The following HDAC9 variants were observed in gnomAD, a reference collection of about 807,000 sequenced individuals.
HDAC9 encodes MEF-2 interacting transcription repressor (MITR) protein.
In HDAC9, 41 loss-of-function variants were observed where a neutral mutation model predicts 139.4. The ratio of observed to expected loss-of-function variants is 0.29; its 90% CI spans 0.23 to 0.38. The LOEUF (loss-of-function observed/expected upper bound fraction) is 0.38, where lower values mean the gene tolerates loss of function less well. Ranked by LOEUF, HDAC9 falls within the 10% of genes least tolerant of loss-of-function variation. The pLI, the probability that HDAC9 is intolerant of heterozygous loss-of-function variation, is 1.00. For synonymous variants in HDAC9, 517 were observed against 476.2 expected (o/e 1.09, Z -1.12); for missense variants, 1,147 against 1,297.0 (o/e 0.88, Z 1.78).
chr7:18,200,196 C>G (rs558291724), intron 2 of HDAC9, among the ~76,000 whole-genome samples: 9 of 152,298 alleles, frequency 5.9e-5, no homozygotes, highest in Non-Finnish European at 1.3e-4. Context: ...ATACACAGGT[C>G]TGTTCAGACT....
chr7:18,726,208 A>G (rs1785533848), intron 12 of HDAC9, among the ~76,000 whole-genome samples: 1 of 152,238 alleles, frequency 6.6e-6, no homozygotes, highest in African/African-American at 2.4e-5. Context: ...CGCAATGAGT[A>G]CAGTTGTGTT....
Position 18,207,855 on chromosome 7 carries a change from C to T in HDAC9, c.25+45506C>T, listed in dbSNP as rs1398916333. On this transcript the variant is annotated intron_variant, in intron 2 of 12. Coordinates refer to the HDAC9 transcript ENST00000417496. ...TCAGCCTTCTGAGTAGCTGGGGTTA[C>T]AGGCATGAGCCACCACGCCCGGCTA... Among the ~76,000 whole-genome samples the T allele has an allele frequency of 2.0e-5, 3 of 151,970 alleles. No individual in the cohort carries two copies. In the East Asian group the frequency reaches 5.8e-4, roughly 29 times the overall value.
intron 2 of HDAC9, among the ~76,000 whole-genome samples, chr7:18,283,847 C>A (rs928919239): frequency 6.6e-6 from 1 of 152,140 alleles, no homozygotes; most frequent in Non-Finnish European, 1.5e-5. Flanking sequence ...AATCAACCAC[C>A]TAATACTTTG....
At chr7:18,113,070 T>C (rs542717712) in intron 1 of HDAC9, among the ~76,000 whole-genome samples, 1 of 152,214 alleles carries the variant, frequency 6.6e-6, no homozygotes, top group East Asian at 1.9e-4. Context: ...AAATTAACCT[T>C]GAACACAGGA....
In HDAC9 at chr7:18,734,009, T is replaced by G. The variant is rs1228476218; in HGVS notation, c.1909+6252T>G. Among the ~76,000 whole-genome samples the G allele has an allele frequency of 5.3e-5, 8 of 152,318 alleles. No homozygotes were observed. The East Asian group carries it at 1.5e-3, about 29-fold the overall frequency. On this transcript the variant is annotated intron_variant, in intron 13 of 25. Coordinates refer to ENST00000686413, the MANE Select transcript of HDAC9 (RefSeq NM_178425.4). ...TATCAATGCACAAATTTTTTTCTAC[T>G]TACGGAAATATCCTCAATTAGTCCT...
chr7:18,222,181 G>A (rs1386628855), intron 2 of HDAC9, among the ~76,000 whole-genome samples: 1 of 152,162 alleles, frequency 6.6e-6, no homozygotes, highest in Non-Finnish European at 1.5e-5. Context: ...ATTATGTGCT[G>A]CTTAATCTGG....
intron 1 of HDAC9, among the ~76,000 whole-genome samples, chr7:18,301,771 C>G (rs962751272): frequency 6.6e-6 from 1 of 152,136 alleles, no homozygotes; most frequent in Admixed American, 6.5e-5. Flanking sequence ...CCACCAGACA[C>G]TCATGTTTAA....
Position 18,676,783 on chromosome 7 carries a change from T to C in HDAC9, c.1731+10307T>C, listed in dbSNP as rs528240283. Reference sequence around the variant, plus strand: ...GTCTTTATATGTTTACAGTGGTTAGTTGTATCTCATTATAACCTTTTTCTG... The same window carrying C: ...GTCTTTATATGTTTACAGTGGTTAGCTGTATCTCATTATAACCTTTTTCTG... On this transcript the variant is annotated intron_variant, in intron 12 of 25. Coordinates refer to ENST00000686413, the MANE Select transcript of HDAC9 (RefSeq NM_178425.4). Among the ~76,000 whole-genome samples the C allele has an allele frequency of 1.8e-3, 270 of 152,082 alleles. 1 individual carries two copies. Among genetic ancestry groups the C allele is most frequent in the African/African-American group, 6.4e-3 (264 of 41,556 alleles).
At chr7:18,610,850 C>T (rs1836914690) in intron 6 of HDAC9, among the ~76,000 whole-genome samples, 1 of 152,194 alleles carries the variant, frequency 6.6e-6, no homozygotes, top group Non-Finnish European at 1.5e-5. Context: ...GCCTTTGCTG[C>T]TGTGCTATTC....
chr7:18,933,049 A>G (rs1425312875), intron 22 of HDAC9, among the ~76,000 whole-genome samples: 1 of 152,174 alleles, frequency 6.6e-6, no homozygotes, highest in African/African-American at 2.4e-5. Flanking sequence ...AAAGCAAACA[A>G]TATCACACTT....
chr7:18,452,474 G>T (rs982299507), intron 1 of HDAC9, among the ~76,000 whole-genome samples: 3 of 152,132 alleles, frequency 2.0e-5, no homozygotes, highest in Non-Finnish European at 4.4e-5. Context: ...AACTACAGGT[G>T]GGAAGACCTG....
intron 1 of HDAC9, among the ~76,000 whole-genome samples, chr7:18,310,278 T>C (rs371406034): frequency 1.3e-5 from 2 of 152,206 alleles, no homozygotes; most frequent in South Asian, 2.1e-4. Flanking sequence ...TATGTTGGGC[T>C]CTGTGACTAC....
chr7:18,163,429 T>A (rs968246072), intron 2 of HDAC9, among the ~76,000 whole-genome samples: 5 of 152,252 alleles, frequency 3.3e-5, no homozygotes, highest in Non-Finnish European at 4.4e-5. Context: ...AACTTTAGCA[T>A]GCATTGACAT....
intron 1 of HDAC9, among the ~76,000 whole-genome samples, chr7:18,417,881 G>T (rs1789231440): frequency 6.6e-6 from 1 of 152,036 alleles, no homozygotes; most frequent in East Asian, 1.9e-4. Flanking sequence ...TTAGAGTTCT[G>T]TGCCTGTTCA....
intron 12 of HDAC9, among the ~76,000 whole-genome samples, chr7:18,726,539 C>T (rs1004136058): frequency 2.0e-5 from 3 of 152,010 alleles, no homozygotes; most frequent in Non-Finnish European, 4.4e-5. Flanking sequence ...TTTCTTTATC[C>T]ATGGCAAGAG....
At chr7:18,810,197 G>A (rs1794064866) in intron 17 of HDAC9, among the ~76,000 whole-genome samples, 1 of 151,814 alleles carries the variant, frequency 6.6e-6, no homozygotes, top group Non-Finnish European at 1.5e-5. Context: ...AAATGGAGAG[G>A]TTATGGAATT....
chr7:18,116,644 AT>A (rs551412073), intron 1 of HDAC9, among the ~76,000 whole-genome samples: 3 of 152,022 alleles, frequency 2.0e-5, no homozygotes, highest in South Asian at 2.1e-4. Context: ...ATAAAAATTT[AT>A]TTTTTTATTA....
chr7:18,564,959 TTTTA>T (rs145259249), intron 2 of HDAC9, among the ~76,000 whole-genome samples: 77,522 of 140,700 alleles, frequency 0.55, 22,644 homozygotes, highest in Non-Finnish European at 0.63. Context: ...AATAAATGTA[TTTTA>T]TTTATTTATT....
intron 14 of HDAC9, among the ~76,000 whole-genome samples, chr7:18,753,351 A>G (rs1788608800): frequency 6.6e-6 from 1 of 152,230 alleles, no homozygotes; most frequent in Non-Finnish European, 1.5e-5. Context: ...CCCTGTGACC[A>G]AGAGACAGAG....
Sources: allele counts gnomAD v4.1 joint callset (sites outside exome capture counted in the v4.1 genomes callset), GRCh38; gene constraint gnomAD v4.1.1; transcripts MANE v1.5; gene names NCBI Gene and HGNC (gene_info 2026-07-23, HGNC 2026-07-21).